Variants in ERG observed in about 807,000 individuals in gnomAD.
ERG encodes the protein ETS transcription factor ERG, also known as transcriptional regulator ERG.
A neutral mutation model predicts 55.3 loss-of-function variants in ERG; 9 were observed. That is an observed-to-expected ratio of 0.16 (90% confidence interval 0.10 to 0.28). The LOEUF is 0.28. ERG is among the 10% of genes least tolerant of loss of function. The pLI is 1.00. For missense variants in ERG, 434 were observed against 631.6 expected, an observed-to-expected ratio of 0.69 and a Z score of 3.35; for synonymous variants, 223 against 237.3, an observed-to-expected ratio of 0.94 and a Z score of 0.55.
chr21:38,582,502 A>G (rs2060036597), intron 1 of ERG, among the ~76,000 whole-genome samples: 1 of 152,226 alleles, frequency 6.6e-6, no homozygotes, highest in South Asian at 2.1e-4. Flanking sequence ...TCAGCAATTC[A>G]CAAAGGTGTC....
At chr21:38,419,026 C>T (rs1989418245) in intron 3 of ERG, among the ~76,000 whole-genome samples, 1 of 151,810 alleles carries the variant, frequency 6.6e-6, no homozygotes, top group African/African-American at 2.4e-5. Context: ...ATGTAACCAG[C>T]ATGGGGGATG....
At chr21:38,394,332 C>A (rs191473407) in intron 6 of ERG, among the ~76,000 whole-genome samples, 1 of 151,978 alleles carries the variant, frequency 6.6e-6, no homozygotes, top group African/African-American at 2.4e-5. Context: ...CCTACTGCAT[C>A]AAAATCAGCA....
chr21:38,553,904 T>C (rs1183352009), intron 2 of ERG, among the ~76,000 whole-genome samples: 1 of 151,502 alleles, frequency 6.6e-6, no homozygotes, highest in Non-Finnish European at 1.5e-5. Flanking sequence ...ATGTACAGAA[T>C]AGGAGAAAAT....
chr21:38,620,259 T>A (rs73442433), intron 1 of ERG, among the ~76,000 whole-genome samples: 11,843 of 152,204 alleles, frequency 0.078, 906 homozygotes, highest in African/African-American at 0.21. Flanking sequence ...GGTTCGTTTG[T>A]GGGGATGAAG....
upstream of ERG, among the ~76,000 whole-genome samples, chr21:38,586,136 A>G (rs1429990728): frequency 2.1e-5 from 3 of 144,750 alleles, no homozygotes; most frequent in African/African-American, 7.6e-5. Flanking sequence ...CCAACTAATA[A>G]AAGTAATATA....
At chr21:38,406,228 G>C (rs1988767826) in intron 3 of ERG, among the ~76,000 whole-genome samples, 1 of 150,876 alleles carries the variant, frequency 6.6e-6, no homozygotes. Context: ...TTGCTACAGA[G>C]AGAATATCAA....
chr21:38,567,911 A>C (rs1018336972), intron 2 of ERG, among the ~76,000 whole-genome samples: 8 of 152,178 alleles, frequency 5.3e-5, no homozygotes, highest in Non-Finnish European at 1.0e-4. Context: ...GAACGCTGCT[A>C]CTTCTGAAAC....
rs76899371 is a variant in ERG at position 38,508,935 on chromosome 21, C to T, written c.-41+66727G>A. Among the ~76,000 whole-genome samples, 624 of 152,266 alleles carry T rather than the reference C, an allele frequency of 4.1e-3. 30 individuals are homozygous for T. In the East Asian group the frequency reaches 0.11, roughly 26 times the overall value. On this transcript the variant is annotated intron_variant, in intron 2 of 8. Transcript: ENST00000398897. Reference sequence around the variant, plus strand: ...CCACTCTTAAACCTCAGCCACCATACGGGGAGAAAGCCCAAGCCATGTGAC... The same window carrying T: ...CCACTCTTAAACCTCAGCCACCATATGGGGAGAAAGCCCAAGCCATGTGAC...
intron 1 of ERG, among the ~76,000 whole-genome samples, chr21:38,658,883 C>A (rs2146997448): frequency 6.6e-6 from 1 of 152,276 alleles, no homozygotes; most frequent in South Asian, 2.1e-4. Context: ...GTGAATGCAG[C>A]CCCTCACACA....
rs1404321861 is a variant in ERG, at chr21:38,382,021, G to A, written c.*1382C>T. On this transcript the variant is annotated 3_prime_UTR_variant, in exon 10 of 10. Transcript: ENST00000288319. ...AAAAAAAGTGCAAATGCAGACTCCT[G>A]TATAAATCTGATTTGCCATGCTAGG... 1 of 1,059,812 alleles carries A rather than the reference G, an allele frequency of 9.4e-7. No individual in the cohort carries two copies. The highest frequency in any genetic ancestry group is 5.2e-5 in the East Asian group (1 of 19,250). 65.7% of individuals were successfully genotyped at this position (1,059,812 alleles called of 1,614,324 possible).
At chr21:38,590,914 A>C (rs1277657494) in intron 1 of ERG, among the ~76,000 whole-genome samples, 1 of 152,246 alleles carries the variant, frequency 6.6e-6, no homozygotes, top group Non-Finnish European at 1.5e-5. Flanking sequence ...AATCAGCTGG[A>C]GAGCTTTTTA....
intron 1 of ERG, among the ~76,000 whole-genome samples, chr21:38,582,823 T>C (rs1454142026): frequency 6.6e-6 from 1 of 152,206 alleles, no homozygotes; most frequent in Non-Finnish European, 1.5e-5. Flanking sequence ...CTTGGCTCAC[T>C]GCAACCTCCA....
chr21:38,405,891 G>A (rs1055781997), intron 3 of ERG, among the ~76,000 whole-genome samples: 9 of 152,112 alleles, frequency 5.9e-5, no homozygotes, highest in East Asian at 5.8e-4. Flanking sequence ...GGTGGCTCAC[G>A]CCTGTAATCC....
chr21:38,600,739 A>G (rs1378522410), intron 1 of ERG, among the ~76,000 whole-genome samples: 1 of 152,170 alleles, frequency 6.6e-6, no homozygotes, highest in Non-Finnish European at 1.5e-5. Flanking sequence ...ATTAAGGCAC[A>G]TTTCTGGCTT....
At chr21:38,554,289 T>C (rs1306620523) in intron 2 of ERG, among the ~76,000 whole-genome samples, 1 of 152,174 alleles carries the variant, frequency 6.6e-6, no homozygotes, top group African/African-American at 2.4e-5. Context: ...CCAAAGAACT[T>C]AAAATAGAAC....
At chr21:38,527,122 C>G (rs975076567) in intron 2 of ERG, among the ~76,000 whole-genome samples, 3 of 152,204 alleles carry the variant, frequency 2.0e-5, no homozygotes, top group African/African-American at 7.2e-5. Context: ...TCTCTGACCT[C>G]TCTAAAACAA....
At chr21:38,503,188 T>C (rs1428716994), upstream of ERG, among the ~76,000 whole-genome samples, 6 of 152,102 alleles carry the variant, frequency 3.9e-5, 1 homozygote, top group East Asian at 1.2e-3. Context: ...GTAATAAACA[T>C]AAATTATATC....
intron 1 of ERG, among the ~76,000 whole-genome samples, chr21:38,482,734 G>A (rs1286073415): frequency 6.6e-6 from 1 of 151,678 alleles, no homozygotes; most frequent in Non-Finnish European, 1.5e-5. Flanking sequence ...CTGGAGTGCA[G>A]TGGCATGATC....
chr21:38,619,306 G>C (rs1400176607), intron 1 of ERG, among the ~76,000 whole-genome samples: 2 of 152,146 alleles, frequency 1.3e-5, no homozygotes, highest in Non-Finnish European at 2.9e-5. Context: ...CAAGACATGG[G>C]ATGTGTTTCT....
Sources: gnomAD v4.1 joint callset for allele counts (sites outside exome capture counted in the v4.1 genomes callset) on GRCh38, gnomAD v4.1.1 for gene constraint, MANE v1.5 for transcripts, NCBI Gene and HGNC (gene_info 2026-07-23, HGNC 2026-07-21) for gene names.